The following MMS22L variants were observed in gnomAD, a reference collection of about 807,000 sequenced individuals.
The protein encoded by MMS22L is MMS22 like, DNA repair protein, also known as protein MMS22-like.
A neutral mutation model predicts 159.1 loss-of-function variants in MMS22L; 74 were observed. The ratio of observed to expected loss-of-function variants is 0.47; its 90% CI spans 0.39 to 0.56. MMS22L has a LOEUF of 0.56. Among genes scored for constraint, MMS22L ranks in the 20% least tolerant of loss-of-function variants. The probability of loss-of-function intolerance (pLI) is 0.00; values close to 1 mark genes in which losing one functional copy is unlikely to be tolerated. For missense variants in MMS22L, 1,351 were observed against 1,422.1 expected (o/e 0.95, Z 0.80); for synonymous variants, 517 against 506.9 (o/e 1.02, Z -0.27).
intron 10 of MMS22L, among the ~76,000 whole-genome samples, chr6:97,251,224 G>T (rs570729508): frequency 5.3e-5 from 8 of 152,152 alleles, no homozygotes; most frequent in Admixed American, 1.3e-4. Flanking sequence ...AGACCTATTC[G>T]TAAGAGGCAA....
At chr6:97,267,207 A>T (rs1048790971) in intron 8 of MMS22L, 5 of 152,182 alleles carry the variant, frequency 3.3e-5, no homozygotes, top group African/African-American at 1.2e-4. Context: ...GATAATGCAT[A>T]AAAAAATCTA....
intron 14 of MMS22L, among the ~76,000 whole-genome samples, chr6:97,214,690 T>G (rs1210897442): frequency 3.3e-5 from 5 of 150,182 alleles, no homozygotes; most frequent in African/African-American, 1.2e-4. Context: ...TTTTTGTTTT[T>G]TTTTTTTTTT....
intron 11 of MMS22L, among the ~76,000 whole-genome samples, chr6:97,244,886 G>C (rs1303205227): frequency 6.6e-6 from 1 of 152,052 alleles, no homozygotes; most frequent in African/African-American, 2.4e-5. Flanking sequence ...GAGTGGGTAT[G>C]GGCGGGGGCA....
At chr6:97,149,252 C>T (rs1290288760) in intron 24 of MMS22L, among the ~76,000 whole-genome samples, 3 of 152,056 alleles carry the variant, frequency 2.0e-5, no homozygotes, top group Non-Finnish European at 4.4e-5. Flanking sequence ...ACAAAAATTC[C>T]ACTGTGAGTA....
intron 14 of MMS22L, among the ~76,000 whole-genome samples, chr6:97,191,826 A>G (rs1429619764): frequency 1.3e-5 from 2 of 152,240 alleles, no homozygotes; most frequent in African/African-American, 4.8e-5. Flanking sequence ...TCCAGGAAGA[A>G]TATAACATAA....
At chr6:97,213,675 A>C (rs1808645836) in intron 14 of MMS22L, among the ~76,000 whole-genome samples, 1 of 152,204 alleles carries the variant, frequency 6.6e-6, no homozygotes, top group African/African-American at 2.4e-5. Flanking sequence ...ATAATATAAA[A>C]ATGTAAAAGA....
intron 21 of MMS22L, among the ~76,000 whole-genome samples, chr6:97,163,348 G>C (rs1428491979): frequency 1.3e-5 from 2 of 151,908 alleles, no homozygotes; most frequent in Non-Finnish European, 1.5e-5. Context: ...GGAATTCAGA[G>C]AAAAGAGCCC....
intron 11 of MMS22L, among the ~76,000 whole-genome samples, chr6:97,234,584 T>C (rs1811202596): frequency 6.6e-6 from 1 of 152,158 alleles, no homozygotes; most frequent in South Asian, 2.1e-4. Context: ...ACTTACCACA[T>C]ACTAGGCACT....
At chr6:97,243,813 C>T (rs1812339098) in intron 11 of MMS22L, among the ~76,000 whole-genome samples, 1 of 152,036 alleles carries the variant, frequency 6.6e-6, no homozygotes, top group South Asian at 2.1e-4. Flanking sequence ...AGCCAGACTG[C>T]AGTGATTGTT....
chr6:97,263,266 T>G, intron 9 of MMS22L, 69 bp downstream of exon 9: 1 of 983,950 alleles, frequency 1.0e-6, no homozygotes, highest in Non-Finnish European at 1.5e-6. Context: ...TTTTTCTCAG[T>G]TAAAACCATT....
At chr6:97,166,753 G>A (rs1000815298) in intron 20 of MMS22L, among the ~76,000 whole-genome samples, 1 of 152,104 alleles carries the variant, frequency 6.6e-6, no homozygotes, top group Non-Finnish European at 1.5e-5. Context: ...TAAATGGACT[G>A]TTTGGGTTTA....
intron 22 of MMS22L, among the ~76,000 whole-genome samples, chr6:97,152,553 G>A (rs573298986): frequency 3.9e-5 from 6 of 151,992 alleles, no homozygotes; most frequent in Non-Finnish European, 5.9e-5. Context: ...TTAAATATAA[G>A]AAACCAGAGA....
chr6:97,181,321 C>T (rs567017288), intron 16 of MMS22L, among the ~76,000 whole-genome samples: 1 of 152,276 alleles, frequency 6.6e-6, no homozygotes, highest in South Asian at 2.1e-4. Flanking sequence ...GACCACTCTA[C>T]ACTATTTCTA....
At chr6:97,190,147 C>T (rs1030572161) in intron 14 of MMS22L, among the ~76,000 whole-genome samples, 3 of 151,982 alleles carry the variant, frequency 2.0e-5, no homozygotes, top group Admixed American at 2.0e-4. Context: ...TACAAAAATG[C>T]AAAGAAGAAG....
intron 3 of MMS22L, among the ~76,000 whole-genome samples, chr6:97,280,022 C>T (rs1816617335): frequency 6.6e-6 from 1 of 152,084 alleles, no homozygotes; most frequent in Admixed American, 6.5e-5. Flanking sequence ...ATATTTATAA[C>T]CTATGTCCTA....
intron 14 of MMS22L, among the ~76,000 whole-genome samples, chr6:97,227,288 G>A (rs1386128041): frequency 3.3e-5 from 5 of 151,896 alleles, no homozygotes; most frequent in Non-Finnish European, 5.9e-5. Context: ...TTTTCCCCAC[G>A]ACTGCCTCTT....
At chr6:97,170,492 A>G (rs1011243155) in intron 19 of MMS22L, among the ~76,000 whole-genome samples, 4 of 151,798 alleles carry the variant, frequency 2.6e-5, no homozygotes, top group African/African-American at 9.7e-5. Flanking sequence ...GGCTATAAAT[A>G]TATTATTTAT....
chr6:97,246,121 C>A (rs1812613957), intron 11 of MMS22L: 2 of 445,112 alleles, frequency 4.5e-6, no homozygotes. Flanking sequence ...GAGGTCAAGT[C>A]TGACCTCTAG....
chr6:97,156,081 G>T (rs1231274178), intron 22 of MMS22L, among the ~76,000 whole-genome samples: 1 of 152,218 alleles, frequency 6.6e-6, no homozygotes, highest in Non-Finnish European at 1.5e-5. Context: ...CTAATGACCA[G>T]TGATGATGAG....
Sources: gnomAD v4.1 joint callset for allele counts (sites outside exome capture counted in the v4.1 genomes callset) on GRCh38, gnomAD v4.1.1 for gene constraint, MANE v1.5 for transcripts, NCBI Gene and HGNC (gene_info 2026-07-23, HGNC 2026-07-21) for gene names.